The following CNTN3 variants were observed in gnomAD, a reference collection of about 807,000 sequenced individuals.
CNTN3 encodes contactin-3.
CNTN3 carries 60 observed loss-of-function variants against 119.1 expected under a neutral mutation model. The observed-to-expected ratio is 0.50, with a 90% CI of 0.41 to 0.62. The LOEUF is 0.62. Among genes scored for constraint, CNTN3 ranks in the 20% least tolerant of loss-of-function variants. The probability of loss-of-function intolerance (pLI) is 0.00; values close to 1 mark genes in which losing one functional copy is unlikely to be tolerated. For synonymous variants in CNTN3, 450 were observed against 438.7 expected (o/e 1.03, Z -0.32); for missense variants, 1,101 against 1,242.4 (o/e 0.89, Z 1.71).
chr3:74,297,274 G>A (rs563508533), intron 18 of CNTN3, among the ~76,000 whole-genome samples: 3 of 152,026 alleles, frequency 2.0e-5, no homozygotes, highest in South Asian at 4.2e-4. Context: ...AAGCTGGAAC[G>A]TAGGAAGTGT....
chr3:74,585,697 CACTTA>C (rs1331002606), intron 1 of CNTN3, among the ~76,000 whole-genome samples: 1 of 152,116 alleles, frequency 6.6e-6, no homozygotes, highest in Non-Finnish European at 1.5e-5. Context: ...AAATTCAAGA[CACTTA>C]ACTTGACAAA....
At chr3:74,520,454 C>A (rs1703524853) in intron 2 of CNTN3, among the ~76,000 whole-genome samples, 1 of 151,326 alleles carries the variant, frequency 6.6e-6, no homozygotes, top group South Asian at 2.1e-4. Context: ...AAAAACTCTT[C>A]ACTTACTTAT....
rs113309101 is a variant in CNTN3, at chr3:74,546,806, T to G, written c.-80-25614A>C. On this transcript the variant is annotated intron_variant, in intron 1 of 22. Coordinates refer to ENST00000263665, the MANE Select transcript of CNTN3 (RefSeq NM_020872.3). The stretch of plus-strand genomic sequence containing the variant: ...GATTGTGTGAGTCAATACTGCTTAA[T>G]AAACTCCCTTTTATATATACATCTA... Among the ~76,000 whole-genome samples the G allele has an allele frequency of 8.6e-3, 1,313 of 152,346 alleles. 16 individuals carry two copies. Among genetic ancestry groups the G allele is most frequent in the East Asian group, 0.052 (269 of 5,178 alleles).
chr3:74,305,822 T>C lies in CNTN3; in HGVS notation c.1669-3015A>G, dbSNP rs144777547. Among the ~76,000 whole-genome samples the C allele has an allele frequency of 2.1e-3, 316 of 151,578 alleles. 1 individual carries two copies. The highest frequency in any genetic ancestry group is 3.4e-3 in the Middle Eastern group (1 of 294). On this transcript the variant is annotated intron_variant, in intron 13 of 22. Coordinates refer to ENST00000263665, the MANE Select transcript of CNTN3 (RefSeq NM_020872.3). ...TTTGTGAAAATGAATTGGGCTATCCTCTTATGACTTGTTCATTTCTTGGTA... is the reference window on the plus strand; with the variant it reads ...TTTGTGAAAATGAATTGGGCTATCCCCTTATGACTTGTTCATTTCTTGGTA...
chr3:74,552,693 T>A (rs1454667894), intron 1 of CNTN3, among the ~76,000 whole-genome samples: 1 of 152,150 alleles, frequency 6.6e-6, no homozygotes, highest in Non-Finnish European at 1.5e-5. Flanking sequence ...GGACCTGTAA[T>A]CCCCACATGT....
intron 1 of CNTN3, among the ~76,000 whole-genome samples, chr3:74,582,190 A>G (rs1178520110): frequency 2.0e-5 from 3 of 152,122 alleles, no homozygotes; most frequent in African/African-American, 7.2e-5. Flanking sequence ...ATGGATCACA[A>G]GGTCAGGAGA....
intron 1 of CNTN3, among the ~76,000 whole-genome samples, chr3:74,577,771 C>CT (rs143567261): frequency 0.025 from 3,875 of 152,028 alleles, 76 homozygotes; most frequent in South Asian, 0.04. Flanking sequence ...AAAGTTTTAT[C>CT]TTGAACTAAT....
At chr3:74,579,464 A>C (rs1166261683) in intron 1 of CNTN3, among the ~76,000 whole-genome samples, 3 of 152,056 alleles carry the variant, frequency 2.0e-5, no homozygotes, top group African/African-American at 7.2e-5. Context: ...ACACCACTAG[A>C]GCATATGGTC....
chr3:74,532,550 A>G (rs1185753582), intron 1 of CNTN3, among the ~76,000 whole-genome samples: 1 of 152,044 alleles, frequency 6.6e-6, no homozygotes, highest in Admixed American at 6.6e-5. Context: ...CAACACTGCA[A>G]TATGGCAACA....
intron 5 of CNTN3, among the ~76,000 whole-genome samples, chr3:74,410,481 A>C (rs1014139395): frequency 1.3e-5 from 2 of 152,138 alleles, no homozygotes; most frequent in African/African-American, 4.8e-5. Context: ...CTGAGTTGTC[A>C]AAAAGCATAA....
intron 5 of CNTN3, among the ~76,000 whole-genome samples, chr3:74,416,612 T>G (rs1328152639): frequency 1.3e-5 from 2 of 152,146 alleles, no homozygotes; most frequent in Non-Finnish European, 2.9e-5. Context: ...TGAAAAACAC[T>G]GTTTTAGAAG....
At chr3:74,336,787 T>G (rs1403950470) in intron 11 of CNTN3, 129 bp from the exon 12 acceptor site, 4 of 616,646 alleles carry the variant, frequency 6.5e-6, no homozygotes, top group Non-Finnish European at 1.0e-5. Context: ...AGTCCTTAGC[T>G]TTTTGGGAAT....
At chr3:74,297,926 C>T (rs760771264) in intron 18 of CNTN3, 31 bp downstream of exon 18, 57 of 1,496,194 alleles carry the variant, frequency 3.8e-5, no homozygotes, top group South Asian at 9.5e-5. Context: ...TATTATTAGG[C>T]GGAACTGATA....
intron 1 of CNTN3, among the ~76,000 whole-genome samples, chr3:74,521,560 C>T (rs546064806): frequency 6.6e-6 from 1 of 151,830 alleles, no homozygotes; most frequent in East Asian, 2.0e-4. Context: ...CTAACAGAGT[C>T]AAATAAGCAG....
intron 4 of CNTN3, among the ~76,000 whole-genome samples, chr3:74,474,329 C>A (rs1296233386): frequency 6.6e-6 from 1 of 152,056 alleles, no homozygotes; most frequent in South Asian, 2.1e-4. Flanking sequence ...CAGAAAAGAC[C>A]AAGTTTATGG....
intron 3 of CNTN3, 22 bp downstream of exon 3, chr3:74,499,634 TGAA>T: frequency 6.3e-7 from 1 of 1,580,002 alleles, no homozygotes; most frequent in Non-Finnish European, 8.6e-7. Flanking sequence ...TTTTTTTATT[TGAA>T]TTTTCAAACT....
At chr3:74,544,725 A>C in intron 1 of CNTN3, among the ~76,000 whole-genome samples, 1 of 152,176 alleles carries the variant, frequency 6.6e-6, no homozygotes, top group African/African-American at 2.4e-5. Flanking sequence ...CAGCCTCCCA[A>C]GTAGCTGGGA....
intron 5 of CNTN3, among the ~76,000 whole-genome samples, chr3:74,374,441 A>G (rs1704424210): frequency 1.3e-5 from 2 of 152,088 alleles, no homozygotes; most frequent in African/African-American, 4.8e-5. Context: ...TCCCTGTTGA[A>G]TTCTGAAAGA....
intron 1 of CNTN3, among the ~76,000 whole-genome samples, chr3:74,601,207 A>G (rs1704904666): frequency 6.6e-6 from 1 of 152,008 alleles, no homozygotes; most frequent in Non-Finnish European, 1.5e-5. Flanking sequence ...TCCTTACAAT[A>G]GATTTATACA....
Sources: allele counts gnomAD v4.1 joint callset (sites outside exome capture counted in the v4.1 genomes callset), GRCh38; gene constraint gnomAD v4.1.1; transcripts MANE v1.5; gene names NCBI Gene and HGNC (gene_info 2026-07-23, HGNC 2026-07-21).